SLC6A5: variants seen among roughly 807,000 people sequenced by gnomAD.
The protein encoded by SLC6A5 is solute carrier family 6 member 5.
Under a neutral mutation model 90.5 loss-of-function variants are expected in SLC6A5, and 58 were observed. The ratio of observed to expected loss-of-function variants is 0.64; its 90% CI spans 0.52 to 0.80. The LOEUF is 0.80. Ranked by LOEUF, SLC6A5 falls within the 30% of genes least tolerant of loss-of-function variation. The probability of loss-of-function intolerance (pLI) is 0.00; values close to 1 mark genes in which losing one functional copy is unlikely to be tolerated. For missense variants in SLC6A5, 1,015 were observed against 1,017.6 expected (o/e 1.00, Z 0.03); for synonymous variants, 427 against 401.4 (o/e 1.06, Z -0.76).
intron 2 of SLC6A5, among the ~76,000 whole-genome samples, chr11:20,602,093 G>A (rs1590152529): frequency 1.3e-5 from 2 of 152,322 alleles, no homozygotes; most frequent in South Asian, 2.1e-4. Flanking sequence ...GGATGGAGGG[G>A]TAGGAGGATA....
intron 10 of SLC6A5, 151 bp downstream of exon 10, chr11:20,630,966 G>A (rs1052234021): frequency 1.2e-6 from 1 of 838,530 alleles, no homozygotes; most frequent in Non-Finnish European, 1.9e-6. Context: ...ACCAAGGCAG[G>A]CTCAAGTAGG....
chr11:20,628,087 T>A lies in SLC6A5; in HGVS notation c.1499+4T>A, dbSNP rs757579964. 2.5e-5 allele frequency: 40 copies of A among 1,608,650 alleles called. 2 individuals are homozygous for A. The South Asian group carries it at 4.4e-4, about 18-fold the overall frequency. ...AATTCCACAACAACTGCTACAGGTA[T>A]GTAGAGGTACTACAAGATCTGGGCA... is the stretch of plus-strand genomic sequence containing the variant. On this transcript the variant is annotated splice_donor_region_variant and intron_variant, in intron 9 of 15. Transcript: ENST00000525748.
chr11:20,634,043 T>C (rs572862241), intron 10 of SLC6A5, among the ~76,000 whole-genome samples: 12 of 152,296 alleles, frequency 7.9e-5, no homozygotes, highest in African/African-American at 2.9e-4. Context: ...GGCTAATTTT[T>C]GTATTTTTAG....
At chr11:20,609,482 G>A (rs904737971) in intron 5 of SLC6A5, among the ~76,000 whole-genome samples, 1 of 152,086 alleles carries the variant, frequency 6.6e-6, no homozygotes. Flanking sequence ...GACTTGCAGA[G>A]CCCCACTGCT....
chr11:20,646,381 G>A (rs111472350), intron 13 of SLC6A5, among the ~76,000 whole-genome samples: 9 of 152,268 alleles, frequency 5.9e-5, no homozygotes, highest in African/African-American at 9.6e-5. Context: ...TTGGGAGGGT[G>A]GGGGATAAAA....
rs1853671592 is a variant in SLC6A5 at position 20,659,168 on chromosome 11, A to G, written c.*4300A>G. 6.6e-6 allele frequency: 1 copy of G among 151,392 alleles called. No individual in the cohort carries two copies. Among genetic ancestry groups the G allele is most frequent in the African/African-American group, 2.4e-5 (1 of 41,318 alleles). 9.4% of individuals were successfully genotyped at this position (151,392 alleles called of 1,614,324 possible). On this transcript the variant is annotated 3_prime_UTR_variant, in exon 16 of 16. Coordinates refer to ENST00000525748, the MANE Select transcript of SLC6A5 (RefSeq NM_004211.5). ...TACCTCAAATTTTCTATTTATGTAT[A>G]AAAATGCAATTTATTGTATTATATA...
intron 10 of SLC6A5, among the ~76,000 whole-genome samples, chr11:20,635,659 T>TA (rs1421958246): frequency 6.6e-6 from 1 of 152,120 alleles, no homozygotes; most frequent in Non-Finnish European, 1.5e-5. Context: ...CAGAACTTAA[T>TA]AAAATAAATA....
intron 4 of SLC6A5, 150 bp downstream of exon 4, chr11:20,607,288 A>G (rs1852601898): frequency 1.5e-6 from 2 of 1,306,822 alleles, no homozygotes; most frequent in African/African-American, 1.5e-5. Context: ...TAATGGCCCA[A>G]GATCACCTCT....
intron 13 of SLC6A5, among the ~76,000 whole-genome samples, chr11:20,644,227 A>G (rs749877985): frequency 1.6e-4 from 24 of 152,080 alleles, no homozygotes; most frequent in Non-Finnish European, 3.4e-4. Flanking sequence ...CTTGACAAAC[A>G]TCTCCCCATT....
intron 8 of SLC6A5, among the ~76,000 whole-genome samples, 157 bp downstream of exon 8, chr11:20,626,999 T>G (rs1853010265): frequency 6.6e-6 from 1 of 152,186 alleles, no homozygotes; most frequent in Admixed American, 6.5e-5. Flanking sequence ...AAATATTTAA[T>G]GAGAAGTGGA....
At chr11:20,620,463 G>C (rs1227686646) in intron 7 of SLC6A5, among the ~76,000 whole-genome samples, 1 of 152,196 alleles carries the variant, frequency 6.6e-6, no homozygotes, top group Non-Finnish European at 1.5e-5. Context: ...CCTGGTGTAT[G>C]GTCAGTTATT....
intron 10 of SLC6A5, among the ~76,000 whole-genome samples, chr11:20,634,273 T>A (rs1853162590): frequency 6.6e-6 from 1 of 152,222 alleles, no homozygotes. Context: ...TTCATCAGAC[T>A]GGCCATATAC....
rs1853651429 is a variant in SLC6A5 at position 20,657,477 on chromosome 11, T to A, written c.*2609T>A. 6.6e-6 allele frequency: 1 copy of A among 152,202 alleles called. No individual in the cohort carries two copies. Among genetic ancestry groups the A allele is most frequent in the East Asian group, 1.9e-4 (1 of 5,204 alleles). 9.4% of individuals were successfully genotyped at this position (152,202 alleles called of 1,614,324 possible). The stretch of plus-strand genomic sequence containing the variant: ...CACGCTTAGGTGAAAGGTTCCAAAT[T>A]TACCTGGAAATGGTTACCTTGTAAA... On this transcript the variant is annotated 3_prime_UTR_variant, in exon 16 of 16. Transcript: ENST00000525748.
intron 15 of SLC6A5, among the ~76,000 whole-genome samples, chr11:20,652,762 C>T (rs1203462263): frequency 1.3e-5 from 2 of 152,168 alleles, no homozygotes; most frequent in African/African-American, 4.8e-5. Flanking sequence ...TCCCCTTATC[C>T]ACAGTTTAAA....
chr11:20,650,110 C>T (rs898962228), intron 14 of SLC6A5, among the ~76,000 whole-genome samples: 4 of 152,170 alleles, frequency 2.6e-5, no homozygotes, highest in African/African-American at 4.8e-5. Flanking sequence ...AAAATTCCTT[C>T]CAATCACTTT....
chr11:20,607,665 A>G lies in SLC6A5; in HGVS notation c.985+13A>G. Reference sequence around the variant, plus strand: ...AAACTTTTATTAGGTAAGTTTGGAAATACCTGCTTTAGGTGTGTGTATTCT... The same window carrying G: ...AAACTTTTATTAGGTAAGTTTGGAAGTACCTGCTTTAGGTGTGTGTATTCT... On this transcript the variant is annotated intron_variant, in intron 5 of 15. Coordinates refer to ENST00000525748, the MANE Select transcript of SLC6A5 (RefSeq NM_004211.5). 4 of 1,604,662 alleles carry G rather than the reference A, an allele frequency of 2.5e-6. No individual in the cohort carries two copies. The highest frequency in any genetic ancestry group is 3.4e-6 in the Non-Finnish European group (4 of 1,171,798).
chr11:20,645,705 C>G (rs1313914673), intron 13 of SLC6A5, among the ~76,000 whole-genome samples: 2 of 143,508 alleles, frequency 1.4e-5, no homozygotes, highest in African/African-American at 5.3e-5. Context: ...GTGGTGCGAT[C>G]TCGGCTCACT....
intron 13 of SLC6A5, among the ~76,000 whole-genome samples, chr11:20,641,001 T>C (rs941036243): frequency 6.6e-6 from 1 of 152,176 alleles, no homozygotes; most frequent in Non-Finnish European, 1.5e-5. Context: ...AATTTTCAAG[T>C]TTTATTTATT....
At chr11:20,633,656 A>G (rs972687148) in intron 10 of SLC6A5, among the ~76,000 whole-genome samples, 1 of 152,188 alleles carries the variant, frequency 6.6e-6, no homozygotes, top group African/African-American at 2.4e-5. Flanking sequence ...ATCCCTTCTC[A>G]TAAGAAGACT....
Sources: allele counts gnomAD v4.1 joint callset (sites outside exome capture counted in the v4.1 genomes callset), GRCh38; gene constraint gnomAD v4.1.1; transcripts MANE v1.5; gene names NCBI Gene and HGNC (gene_info 2026-07-23, HGNC 2026-07-21).